ALPL: variants seen among roughly 807,000 people sequenced by gnomAD.
The protein encoded by ALPL is alkaline phosphatase, tissue-nonspecific isozyme.
In ALPL, 42 loss-of-function variants were observed where a neutral mutation model predicts 51.3. The ratio of observed to expected loss-of-function variants is 0.82; its 90% CI spans 0.64 to 1.06. ALPL has a LOEUF of 1.06. Among genes scored for constraint, ALPL ranks in the 50% least tolerant of loss-of-function variants. ALPL has a pLI of 0.00. For synonymous variants in ALPL, 279 were observed against 296.4 expected, an observed-to-expected ratio of 0.94 and a Z score of 0.60; for missense variants, 589 against 709.4, an observed-to-expected ratio of 0.83 and a Z score of 1.93.
At chr1:21,566,696 C>T (rs1490041759) in intron 6 of ALPL, among the ~76,000 whole-genome samples, 1 of 151,990 alleles carries the variant, frequency 6.6e-6, no homozygotes, top group Non-Finnish European at 1.5e-5. Flanking sequence ...CTCAAGTGCT[C>T]CTCCTGGCTC....
intron 1 of ALPL, among the ~76,000 whole-genome samples, chr1:21,533,711 A>G (rs915390306): frequency 6.6e-6 from 1 of 152,078 alleles, no homozygotes; most frequent in African/African-American, 2.4e-5. Flanking sequence ...ACCTGAGGTC[A>G]GGAGTTCGAG....
intron 2 of ALPL, among the ~76,000 whole-genome samples, chr1:21,559,956 A>G (rs1207228746): frequency 6.6e-6 from 1 of 152,250 alleles, no homozygotes; most frequent in Non-Finnish European, 1.5e-5. Flanking sequence ...AGCCCCAGCC[A>G]GAAGTCACTA....
chr1:21,560,540 G>C (rs1644467913), intron 2 of ALPL, 86 bp from the exon 3 acceptor site: 6 of 1,557,880 alleles, frequency 3.9e-6, no homozygotes, highest in Non-Finnish European at 4.4e-6. Context: ...ATTCCAGCCT[G>C]AGCAATCAGA....
chr1:21,554,069 C>A lies in ALPL; in HGVS notation c.-13C>A, dbSNP rs1198612236. 2 of 1,427,812 alleles carry A rather than the reference C, an allele frequency of 1.4e-6. No individual in the cohort carries two copies. The highest frequency in any genetic ancestry group is 3.5e-5 in the East Asian group (1 of 28,676). 88.4% of individuals were successfully genotyped at this position (1,427,812 alleles called of 1,614,324 possible). A position where few individuals can be genotyped will look rare whatever the true frequency, so the allele number is the denominator to read the frequency against. ...TCTGGGCTCCAGGGATAAAGCAGGT[C>A]TTGGGGTGCACCATGATTTCACCAT... On this transcript the variant is annotated 5_prime_UTR_variant, in exon 2 of 12. Transcript: ENST00000374840.
At chr1:21,537,377 G>A (rs1354653480) in intron 1 of ALPL, among the ~76,000 whole-genome samples, 1 of 152,208 alleles carries the variant, frequency 6.6e-6, no homozygotes, top group Non-Finnish European at 1.5e-5. Flanking sequence ...TGACCCAGGA[G>A]GGAGAGGCCA....
chr1:21,577,399 G>T lies in ALPL; in HGVS notation c.1326G>T (p.Gln442His). The part of the protein sequence containing the change: ...SMVDYAHNNY[Q>H]AQSAVPLRHE... ...GGCCCACAGCTCACAACAACTACCA[G>T]GCGCAGTCTGCTGTGCCCCTGCGCC... Residue 442 changes from glutamine (Q) to histidine (H), a missense_variant, in exon 12 of 12, where the codon CAG (glutamine) becomes CAT (histidine). Gln to His is a conservative substitution (Grantham distance 24). Coordinates refer to ENST00000374840, the MANE Select transcript of ALPL (RefSeq NM_000478.6). 6.2e-7 allele frequency: 1 copy of T among 1,613,308 alleles called. No individual in the cohort carries two copies.
At chr1:21,514,007 A>G (rs913706663) in intron 1 of ALPL, among the ~76,000 whole-genome samples, 5 of 152,162 alleles carry the variant, frequency 3.3e-5, no homozygotes, top group Admixed American at 2.0e-4. Context: ...GAGGGGCTCA[A>G]ATTCCACTTG....
intron 1 of ALPL, among the ~76,000 whole-genome samples, chr1:21,549,752 C>T (rs776817297): frequency 6.6e-6 from 1 of 152,146 alleles, no homozygotes; most frequent in Non-Finnish European, 1.5e-5. Flanking sequence ...TGTGAGCCAT[C>T]GCACTTGGCT....
At chr1:21,572,715 T>C (rs2148182038) in intron 8 of ALPL, among the ~76,000 whole-genome samples, 1 of 152,260 alleles carries the variant, frequency 6.6e-6, no homozygotes, top group East Asian at 1.9e-4. Flanking sequence ...ACACCAGAAT[T>C]GGAAGGACAC....
intron 1 of ALPL, among the ~76,000 whole-genome samples, chr1:21,513,154 T>C (rs116589813): frequency 2.6e-5 from 4 of 152,072 alleles, no homozygotes; most frequent in Admixed American, 6.5e-5. Context: ...AGAATTTCAG[T>C]TGGAAGGCCT....
intron 9 of ALPL, 104 bp downstream of exon 9, chr1:21,573,903 A>G: frequency 6.4e-7 from 1 of 1,568,156 alleles, no homozygotes; most frequent in Non-Finnish European, 8.6e-7. Flanking sequence ...TTGGGGGTGA[A>G]GGGAGAGGTC....
At chr1:21,513,176 C>T (rs557208441) in intron 1 of ALPL, among the ~76,000 whole-genome samples, 1 of 152,154 alleles carries the variant, frequency 6.6e-6, no homozygotes, top group East Asian at 1.9e-4. Context: ...TAGAAGCTGG[C>T]TCGGTCAACT....
intron 9 of ALPL, chr1:21,574,075 G>GGGGACC: frequency 1.0e-6 from 1 of 985,460 alleles, no homozygotes; most frequent in Non-Finnish European, 1.2e-6. Flanking sequence ...AGTCTTTCTT[G>GGGGACC]GGGACCTGGC....
rs536139506 is a variant in ALPL at position 21,568,300 on chromosome 1, G to A, written c.792+53G>A. ...CAGAGGTGGCCTGTGATGGGGAGAG[G>A]CTGTGTGACCCCTGCTCTGAAGTTC... On this transcript the variant is annotated intron_variant, in intron 7 of 11. Coordinates refer to ENST00000374840, the MANE Select transcript of ALPL (RefSeq NM_000478.6). 1.0e-4 allele frequency: 166 copies of A among 1,611,736 alleles called. No individual in the cohort carries two copies. In the South Asian group the frequency reaches 1.7e-3, roughly 17 times the overall value.
Position 21,514,199 on chromosome 1 carries a change from G to A in ALPL, c.-105+4682G>A, listed in dbSNP as rs755844950. On this transcript the variant is annotated intron_variant, in intron 1 of 11. Transcript: ENST00000374840. The stretch of plus-strand genomic sequence containing the variant: ...GTCTGAGGGCTCTGGAGGTTTGGGG[G>A]TGATAGAGCATCTACCTGTCAAGGC... Among the ~76,000 whole-genome samples, 6 of 151,998 alleles carry A rather than the reference G, an allele frequency of 3.9e-5. No individual in the cohort carries two copies. In the East Asian group the frequency reaches 1.2e-3, roughly 29 times the overall value.
intron 10 of ALPL, 27 bp from the exon 11 acceptor site, chr1:21,576,495 A>AC (rs770030038): frequency 1.1e-4 from 178 of 1,611,294 alleles, no homozygotes; most frequent in Non-Finnish European, 1.4e-4. Context: ...CCCCAGCATG[A>AC]CCCCTGAACA....
chr1:21,535,930 C>T (rs181047948), intron 1 of ALPL, among the ~76,000 whole-genome samples: 34 of 152,290 alleles, frequency 2.2e-4, no homozygotes, highest in Non-Finnish European at 4.0e-4. Flanking sequence ...TCTACTTTCT[C>T]CTCTGAAATG....
At chr1:21,513,831 C>T (rs898571828) in intron 1 of ALPL, among the ~76,000 whole-genome samples, 1 of 152,190 alleles carries the variant, frequency 6.6e-6, no homozygotes, top group South Asian at 2.1e-4. Flanking sequence ...GGGGCTATGT[C>T]CCTGCCTGGC....
intron 7 of ALPL, 45 bp downstream of exon 7, chr1:21,568,292 G>C (rs3738098): frequency 6.2e-7 from 1 of 1,612,588 alleles, no homozygotes; most frequent in South Asian, 1.1e-5. Context: ...GGCCTGTGAT[G>C]GGGAGAGGCT....
Sources: gnomAD v4.1 joint callset for allele counts (sites outside exome capture counted in the v4.1 genomes callset) on GRCh38, gnomAD v4.1.1 for gene constraint, MANE v1.5 for transcripts, NCBI Gene and HGNC (gene_info 2026-07-23, HGNC 2026-07-21) for gene names.